Variants in MAGI2 observed in about 807,000 individuals in gnomAD.
MAGI2 encodes the protein membrane associated guanylate kinase, WW and PDZ domain containing 2.
A neutral mutation model predicts 133.3 loss-of-function variants in MAGI2; 35 were observed. The observed-to-expected ratio is 0.26, with a 90% CI of 0.20 to 0.35. The LOEUF is 0.35. Ranked by LOEUF, MAGI2 falls within the 10% of genes least tolerant of loss-of-function variation. MAGI2 has a pLI of 1.00. For synonymous variants in MAGI2, 729 were observed against 710.6 expected, an observed-to-expected ratio of 1.03 and a Z score of -0.41; for missense variants, 1,636 against 1,863.4, an observed-to-expected ratio of 0.88 and a Z score of 2.25.
At chr7:78,502,025 T>C (rs554952839) in intron 4 of MAGI2, among the ~76,000 whole-genome samples, 6 of 152,184 alleles carry the variant, frequency 3.9e-5, no homozygotes, top group Non-Finnish European at 8.8e-5. Flanking sequence ...TTAAAGGATG[T>C]AATGTAAGGA....
At chr7:78,104,342 C>T (rs1243899529) in intron 20 of MAGI2, among the ~76,000 whole-genome samples, 1 of 152,026 alleles carries the variant, frequency 6.6e-6, no homozygotes, top group Non-Finnish European at 1.5e-5. Flanking sequence ...CCTGCCTCAG[C>T]CTCCCGAGTA....
chr7:78,252,958 AAAC>A lies in MAGI2; in HGVS notation c.2047+2982_2047+2984del, dbSNP rs200770214. ...TCTGTCTCCAAAAAAAAAAAAAAAAAAACAATGGGCAGCTATTGGAAACCTTGT... is the reference window on the plus strand; with the variant it reads ...TCTGTCTCCAAAAAAAAAAAAAAAAAAATGGGCAGCTATTGGAAACCTTGT... On this transcript the variant is annotated intron_variant, in intron 10 of 21. Coordinates refer to ENST00000354212, the MANE Select transcript of MAGI2 (RefSeq NM_012301.4). The A allele has an allele frequency of 3.4e-4, 50 of 148,174 alleles. 1 individual carries two copies. Among genetic ancestry groups the A allele is most frequent in the African/African-American group, 7.1e-4 (28 of 39,646 alleles). The allele number at this position is 148,174 out of a possible 1,614,324, so 9.2% of individuals were successfully genotyped here.
chr7:78,692,515 TAA>T (rs146881219), intron 2 of MAGI2, among the ~76,000 whole-genome samples: 1,929 of 152,316 alleles, frequency 0.013, 39 homozygotes, highest in African/African-American at 0.045. Flanking sequence ...CGTTTCATTT[TAA>T]GTCTTTAGGA....
At chr7:79,441,892 C>T (rs1225561362) in intron 1 of MAGI2, among the ~76,000 whole-genome samples, 2 of 152,022 alleles carry the variant, frequency 1.3e-5, no homozygotes, top group African/African-American at 4.8e-5. Flanking sequence ...GAAAGCAGGT[C>T]TCTCATTTTA....
chr7:78,276,911 T>C (rs1795114421), intron 9 of MAGI2, among the ~76,000 whole-genome samples: 1 of 152,178 alleles, frequency 6.6e-6, no homozygotes, highest in East Asian at 1.9e-4. Flanking sequence ...GATACAAATT[T>C]TGGAGTCATC....
At chr7:78,925,357 T>C (rs1476112684) in intron 2 of MAGI2, among the ~76,000 whole-genome samples, 1 of 152,106 alleles carries the variant, frequency 6.6e-6, no homozygotes, top group Non-Finnish European at 1.5e-5. Context: ...TTTGATATAC[T>C]TTTAAAGTTT....
intron 1 of MAGI2, among the ~76,000 whole-genome samples, chr7:79,075,321 C>T (rs1019018651): frequency 2.0e-5 from 3 of 152,108 alleles, no homozygotes; most frequent in Non-Finnish European, 2.9e-5. Flanking sequence ...GAACTCTTAC[C>T]TTCCATGAGA....
chr7:79,163,316 C>T (rs1170419845), intron 1 of MAGI2, among the ~76,000 whole-genome samples: 1 of 152,084 alleles, frequency 6.6e-6, no homozygotes, highest in Non-Finnish European at 1.5e-5. Context: ...GCTGGGATTA[C>T]AGGCACCTGC....
intron 6 of MAGI2, among the ~76,000 whole-genome samples, chr7:78,375,369 G>A (rs868333342): frequency 3.9e-5 from 6 of 152,068 alleles, no homozygotes; most frequent in African/African-American, 1.4e-4. Flanking sequence ...GCGGTGTCTT[G>A]TATGGGCCAC....
chr7:78,274,628 A>T (rs1256607260), intron 9 of MAGI2, among the ~76,000 whole-genome samples: 7 of 151,110 alleles, frequency 4.6e-5, no homozygotes, highest in Non-Finnish European at 7.4e-5. Context: ...TTTTTTAGAG[A>T]TGCCCTGCCC....
chr7:78,657,857 C>T (rs1812476148), intron 2 of MAGI2, among the ~76,000 whole-genome samples: 1 of 152,074 alleles, frequency 6.6e-6, no homozygotes, highest in African/African-American at 2.4e-5. Context: ...TGTATCCCTC[C>T]AGTGGGTGAC....
intron 1 of MAGI2, among the ~76,000 whole-genome samples, chr7:79,265,318 T>C (rs1834365443): frequency 6.6e-6 from 1 of 152,104 alleles, no homozygotes; most frequent in South Asian, 2.1e-4. Context: ...CACATGAAAG[T>C]TTGAGGACGA....
intron 9 of MAGI2, among the ~76,000 whole-genome samples, chr7:78,267,435 C>T (rs1047076032): frequency 3.9e-5 from 6 of 152,168 alleles, no homozygotes; most frequent in African/African-American, 1.4e-4. Context: ...TCTTCATTGA[C>T]AGACTTTGAT....
chr7:79,219,529 T>C (rs1830280602), intron 1 of MAGI2, among the ~76,000 whole-genome samples: 1 of 152,084 alleles, frequency 6.6e-6, no homozygotes, highest in Non-Finnish European at 1.5e-5. Flanking sequence ...GTGGCCAGTT[T>C]GTCCTTGATT....
intron 2 of MAGI2, among the ~76,000 whole-genome samples, chr7:78,664,877 A>T (rs1813374589): frequency 6.6e-6 from 1 of 152,042 alleles, no homozygotes; most frequent in Non-Finnish European, 1.5e-5. Context: ...TTCTCATAGT[A>T]AAAAATACTA....
intron 9 of MAGI2, among the ~76,000 whole-genome samples, chr7:78,310,201 C>T (rs1292841460): frequency 2.6e-5 from 4 of 152,082 alleles, no homozygotes; most frequent in Non-Finnish European, 5.9e-5. Context: ...CTTTGAGAGG[C>T]AGAGGCGGGA....
chr7:79,062,581 A>T lies in MAGI2; in HGVS notation c.302-55375T>A, dbSNP rs1415610714. 2.0e-5 allele frequency among the ~76,000 whole-genome samples: 3 copies of T among 152,116 alleles called. No homozygotes were observed. In the East Asian group the frequency reaches 5.8e-4, roughly 29 times the overall value. On this transcript the variant is annotated intron_variant, in intron 1 of 21. Coordinates refer to ENST00000354212, the MANE Select transcript of MAGI2 (RefSeq NM_012301.4). The stretch of plus-strand genomic sequence containing the variant: ...AATGCAAAAGATTAAAACTTTTTGT[A>T]TTTTCTGCTCAGTTATTTGTAAACC...
rs141199304 is a variant in MAGI2 at position 78,059,775 on chromosome 7, A to AT, written c.3706+19171dup. Among the ~76,000 whole-genome samples the AT allele has an allele frequency of 5.7e-3, 507 of 89,436 alleles. 2 individuals are homozygous for AT. Among genetic ancestry groups the AT allele is most frequent in the African/African-American group, 0.019 (437 of 23,578 alleles). 58.7% of individuals were successfully genotyped at this position (89,436 alleles called of 152,430 possible). On this transcript the variant is annotated intron_variant, in intron 21 of 21. Coordinates refer to ENST00000354212, the MANE Select transcript of MAGI2 (RefSeq NM_012301.4). ...GGAACAATGCCATATATATATATAT[A>AT]TATTTTTTTTCTGGAGTCCCTACAG...
intron 20 of MAGI2, among the ~76,000 whole-genome samples, chr7:78,099,891 CA>C (rs1048927314): frequency 1.3e-5 from 2 of 151,980 alleles, no homozygotes; most frequent in African/African-American, 4.8e-5. Context: ...ATAGTGTGGT[CA>C]ATTTAAAAGG....
Sources: gnomAD v4.1 joint callset for allele counts (sites outside exome capture counted in the v4.1 genomes callset) on GRCh38, gnomAD v4.1.1 for gene constraint, MANE v1.5 for transcripts, NCBI Gene and HGNC (gene_info 2026-07-23, HGNC 2026-07-21) for gene names.